The following CDK7 variants were observed in gnomAD, a reference collection of about 807,000 sequenced individuals.
The protein encoded by CDK7 is cyclin-dependent kinase 7.
CDK7 carries 25 observed loss-of-function variants against 49.1 expected under a neutral mutation model. The observed-to-expected ratio is 0.51, with a 90% CI of 0.37 to 0.71. The LOEUF (loss-of-function observed/expected upper bound fraction) is 0.71. Ranked by LOEUF, CDK7 falls within the 30% of genes least tolerant of loss-of-function variation. The probability of loss-of-function intolerance (pLI) is 0.00; values close to 1 mark genes in which losing one functional copy is unlikely to be tolerated. For missense variants in CDK7, 316 were observed against 411.7 expected, an observed-to-expected ratio of 0.77 and a Z score of 2.01; for synonymous variants, 107 against 140.0, an observed-to-expected ratio of 0.76 and a Z score of 1.67.
intron 9 of CDK7, among the ~76,000 whole-genome samples, chr5:69,270,239 C>A (rs539650921): frequency 6.6e-6 from 1 of 151,990 alleles, no homozygotes; most frequent in South Asian, 2.1e-4. Context: ...AGTTTAAGAC[C>A]AGCCTGGGCA....
intron 2 of CDK7, 121 bp from the exon 3 acceptor site, chr5:69,252,297 A>G (rs1750193798): frequency 1.5e-6 from 1 of 688,912 alleles, no homozygotes; most frequent in Non-Finnish European, 2.6e-6. Context: ...GTAGGTACAT[A>G]TTGGTTGCTA....
chr5:69,266,170 G>T (rs1751146512), intron 8 of CDK7, among the ~76,000 whole-genome samples: 1 of 152,230 alleles, frequency 6.6e-6, no homozygotes, highest in Middle Eastern at 3.2e-3. Flanking sequence ...CTTGCGGTCA[G>T]CAGGCTGAAG....
intron 3 of CDK7, among the ~76,000 whole-genome samples, chr5:69,253,913 A>G (rs1015087505): frequency 5.9e-5 from 9 of 152,050 alleles, no homozygotes; most frequent in African/African-American, 1.9e-4. Flanking sequence ...AGCCTGGCCA[A>G]TATGGCAAAA....
chr5:69,272,727 A>C (rs1335950805), intron 9 of CDK7, among the ~76,000 whole-genome samples, 165 bp from the exon 10 acceptor site: 2 of 151,728 alleles, frequency 1.3e-5, no homozygotes, highest in Admixed American at 6.6e-5. Flanking sequence ...TTAAATTTTC[A>C]ATTTATATCC....
At chr5:69,246,724 T>G (rs1046102015) in intron 2 of CDK7, among the ~76,000 whole-genome samples, 6 of 151,792 alleles carry the variant, frequency 4.0e-5, no homozygotes, top group Admixed American at 1.3e-4. Flanking sequence ...TTTTTTCATG[T>G]AGGCAGTTAC....
At chr5:69,249,235 A>T (rs77458203) in intron 2 of CDK7, among the ~76,000 whole-genome samples, 2 of 151,906 alleles carry the variant, frequency 1.3e-5, no homozygotes, top group Non-Finnish European at 1.5e-5. Context: ...TGCTTTATCA[A>T]TTCTGCTATT....
At chr5:69,263,395 T>G (rs1257133942) in intron 8 of CDK7, among the ~76,000 whole-genome samples, 2 of 152,186 alleles carry the variant, frequency 1.3e-5, no homozygotes, top group Non-Finnish European at 2.9e-5. Context: ...AGAAAAACAC[T>G]AAACTAAAAA....
At chr5:69,271,727 G>T (rs1339652354) in intron 9 of CDK7, among the ~76,000 whole-genome samples, 1 of 151,894 alleles carries the variant, frequency 6.6e-6, no homozygotes, top group Non-Finnish European at 1.5e-5. Flanking sequence ...TCCCAGGCTG[G>T]TCTGAAACTC....
chr5:69,253,029 A>G (rs777699311), intron 3 of CDK7, among the ~76,000 whole-genome samples: 5 of 152,164 alleles, frequency 3.3e-5, no homozygotes, highest in Non-Finnish European at 7.3e-5. Flanking sequence ...TTCTGTCTTC[A>G]TTACTGTTTT....
At chr5:69,241,812 C>T (rs2150185224) in intron 2 of CDK7, among the ~76,000 whole-genome samples, 1 of 152,012 alleles carries the variant, frequency 6.6e-6, no homozygotes, top group South Asian at 2.1e-4. Context: ...GGATATTAAT[C>T]TCTTATCAGA....
chr5:69,237,110 C>T (rs1749049951), intron 2 of CDK7, among the ~76,000 whole-genome samples: 1 of 151,758 alleles, frequency 6.6e-6, no homozygotes, highest in Non-Finnish European at 1.5e-5. Context: ...GGTGGCGGGG[C>T]AGGAGGAGGT....
At chr5:69,247,343 T>C (rs1749821720) in intron 2 of CDK7, among the ~76,000 whole-genome samples, 1 of 152,218 alleles carries the variant, frequency 6.6e-6, no homozygotes, top group Non-Finnish European at 1.5e-5. Flanking sequence ...ATATAGTGAC[T>C]TTGTCTTATT....
At chr5:69,241,671 C>A (rs1171073063) in intron 2 of CDK7, among the ~76,000 whole-genome samples, 2 of 152,084 alleles carry the variant, frequency 1.3e-5, no homozygotes, top group Admixed American at 1.3e-4. Flanking sequence ...GTGATGTTGG[C>A]ACCTTTTCTT....
chr5:69,263,581 A>G (rs1750966449), intron 8 of CDK7, among the ~76,000 whole-genome samples: 1 of 152,184 alleles, frequency 6.6e-6, no homozygotes, highest in Admixed American at 6.5e-5. Context: ...AAACTTACCC[A>G]ATGGGCATTT....
upstream of CDK7, chr5:69,234,848 A>T: frequency 1.1e-6 from 1 of 906,152 alleles, no homozygotes; most frequent in Admixed American, 2.3e-5. Context: ...CACGGAAGTG[A>T]GGCGGGGATA....
At chr5:69,261,488 CTCTGTGTGTGTG>C (rs1173635630) in intron 7 of CDK7, among the ~76,000 whole-genome samples, 13 of 120,362 alleles carry the variant, frequency 1.1e-4, no homozygotes, top group African/African-American at 3.3e-4. Flanking sequence ...TGAAAAGGTT[CTCTGTGTGTGTG>C]TGTGTGTGTG....
At chr5:69,252,494 CTTT>C (rs138764556) in intron 3 of CDK7, 43 bp downstream of exon 3, 22,768 of 359,548 alleles carry the variant, frequency 0.063, 64 homozygotes, top group Middle Eastern at 0.09. Context: ...AAGTTTTCTC[CTTT>C]TTTTTTTTTT....
At chr5:69,251,536 G>C (rs140537302) in intron 2 of CDK7, among the ~76,000 whole-genome samples, 31 of 152,152 alleles carry the variant, frequency 2.0e-4, no homozygotes, top group African/African-American at 6.7e-4. Flanking sequence ...TGAGCCACTT[G>C]TGTTTTTGTT....
intron 2 of CDK7, among the ~76,000 whole-genome samples, chr5:69,241,794 T>C (rs1195358784): frequency 1.3e-5 from 2 of 152,254 alleles, no homozygotes; most frequent in African/African-American, 4.8e-5. Context: ...GAGCTTCTTA[T>C]ATATTCTGGA....
Sources: gnomAD v4.1 joint callset for allele counts (sites outside exome capture counted in the v4.1 genomes callset) on GRCh38, gnomAD v4.1.1 for gene constraint, MANE v1.5 for transcripts, NCBI Gene and HGNC (gene_info 2026-07-23, HGNC 2026-07-21) for gene names.